The following RNF157 variants were observed in gnomAD, a reference collection of about 807,000 sequenced individuals.
RNF157 encodes the protein E3 ubiquitin ligase RNF157.
RNF157 carries 55 observed loss-of-function variants against 88.3 expected under a neutral mutation model. That is an observed-to-expected ratio of 0.62 (90% confidence interval 0.50 to 0.78). The LOEUF (loss-of-function observed/expected upper bound fraction) is 0.78, where lower values mean the gene tolerates loss of function less well. Among genes scored for constraint, RNF157 ranks in the 30% least tolerant of loss-of-function variants. The probability of loss-of-function intolerance (pLI) is 0.00; values close to 1 mark genes in which losing one functional copy is unlikely to be tolerated. For synonymous variants in RNF157, 334 were observed against 341.2 expected (o/e 0.98, Z 0.23); for missense variants, 788 against 860.8 (o/e 0.92, Z 1.06).
intron 1 of RNF157, chr17:76,226,049 C>T (rs1363005192): frequency 2.5e-6 from 4 of 1,608,874 alleles, no homozygotes; most frequent in East Asian, 2.2e-5. Context: ...GGCAGACCCA[C>T]AGAGAACACC....
chr17:76,233,821 C>A (rs2070235622), intron 1 of RNF157, among the ~76,000 whole-genome samples: 1 of 152,236 alleles, frequency 6.6e-6, no homozygotes, highest in South Asian at 2.1e-4. Flanking sequence ...GCATGAGTCA[C>A]CATACCCAGC....
rs550275599 is a variant in RNF157, at chr17:76,222,175, G to A, written c.89-9693C>T. Among the ~76,000 whole-genome samples, 4 of 152,220 alleles carry A rather than the reference G, an allele frequency of 2.6e-5. No homozygotes were observed. In the South Asian group the frequency reaches 6.2e-4, roughly 24 times the overall value. ...AGCCTGGCCAACATGAAGCAACCCCGTCTCTACTAAAAATACAAAAATGAG... is the reference window on the plus strand; with the variant it reads ...AGCCTGGCCAACATGAAGCAACCCCATCTCTACTAAAAATACAAAAATGAG... On this transcript the variant is annotated intron_variant, in intron 1 of 18. Coordinates refer to ENST00000269391, the MANE Select transcript of RNF157 (RefSeq NM_052916.3).
At position 76,165,560 on chromosome 17, in the gene RNF157, GGCACGTGAGTGAAGAAGCCCAAACA is replaced by G. The variant is rs775873473; in HGVS notation, c.629-40_629-16del. On this transcript the variant is annotated splice_polypyrimidine_tract_variant and intron_variant, in intron 6 of 18. Coordinates refer to ENST00000269391, the MANE Select transcript of RNF157 (RefSeq NM_052916.3). ...GCCAAAATACTCTGAAAGAAACAAAGGCACGTGAGTGAAGAAGCCCAAACAGCACATCTTGATGCCCATGACTTTC... is the reference window on the plus strand; with the variant it reads ...GCCAAAATACTCTGAAAGAAACAAAGGCACATCTTGATGCCCATGACTTTC... The G allele has an allele frequency of 6.2e-7, 1 of 1,614,146 alleles. No homozygotes were observed. The highest frequency in any genetic ancestry group is 1.7e-5 in the Admixed American group (1 of 60,022).
At chr17:76,216,646 C>A (rs1265511821) in intron 1 of RNF157, among the ~76,000 whole-genome samples, 2 of 151,770 alleles carry the variant, frequency 1.3e-5, no homozygotes, top group Non-Finnish European at 1.5e-5. Flanking sequence ...TATTATGAAG[C>A]CTTTCAAAGT....
intron 1 of RNF157, among the ~76,000 whole-genome samples, chr17:76,228,943 A>C (rs2145071314): frequency 7.2e-6 from 1 of 138,748 alleles, no homozygotes; most frequent in African/African-American, 3.1e-5. Context: ...ATAATAATAC[A>C]AAAAAAAAAA....
chr17:76,240,151 A>C lies in RNF157; in HGVS notation c.88+2T>G. 7.5e-7 allele frequency: 1 copy of C among 1,340,444 alleles called. No individual in the cohort carries two copies. Among genetic ancestry groups the C allele is most frequent in the Non-Finnish European group, 9.7e-7 (1 of 1,033,432 alleles). The allele number at this position is 1,340,444 out of a possible 1,614,324, so 83.0% of individuals were successfully genotyped here. ...GCGGCTGCGGCGCCCGCCCGCCCTC[A>C]CCGGACTTGGGCGGGTAGCGGTACA... On this transcript the variant is annotated splice_donor_variant, in intron 1 of 18. Transcript: ENST00000269391. LOFTEE classifies it high-confidence loss of function. This position sits in a 1 kb window ranked among gnomAD's most constrained non-coding sequence, Gnocchi z 4.4.
chr17:76,196,429 G>A (rs1419940860), intron 2 of RNF157, among the ~76,000 whole-genome samples: 1 of 152,230 alleles, frequency 6.6e-6, no homozygotes. Context: ...TCATCTGAAT[G>A]CTGGCCACAG....
chr17:76,156,570 G>A (rs1236272520), intron 13 of RNF157: 22 of 975,988 alleles, frequency 2.3e-5, no homozygotes, highest in African/African-American at 1.2e-4. Context: ...CATCTGCTGC[G>A]GCCATACAAA....
At chr17:76,228,262 G>A (rs898579962) in intron 1 of RNF157, among the ~76,000 whole-genome samples, 1 of 152,116 alleles carries the variant, frequency 6.6e-6, no homozygotes, top group Non-Finnish European at 1.5e-5. Flanking sequence ...ACATCAATGC[G>A]TCTAAAACCC....
intron 16 of RNF157, among the ~76,000 whole-genome samples, chr17:76,154,852 G>C (rs2068737447): frequency 6.6e-6 from 1 of 152,146 alleles, no homozygotes; most frequent in Admixed American, 6.5e-5. Flanking sequence ...GGGTGCAGTG[G>C]GCTGGGGGTA....
chr17:76,234,184 C>A (rs1042320412), intron 1 of RNF157, among the ~76,000 whole-genome samples: 1 of 152,204 alleles, frequency 6.6e-6, no homozygotes, highest in Non-Finnish European at 1.5e-5. Flanking sequence ...TTTCAAGGTT[C>A]ATCCAGGTTG....
At position 76,212,508 on chromosome 17, in the gene RNF157, C is replaced by T. The variant is rs767395846; in HGVS notation, c.89-26G>A. 9 of 1,379,056 alleles carry T rather than the reference C, an allele frequency of 6.5e-6. No individual in the cohort carries two copies. In the South Asian group the frequency reaches 9.3e-5, roughly 14 times the overall value. 85.4% of individuals were successfully genotyped at this position (1,379,056 alleles called of 1,614,324 possible). A position where few individuals can be genotyped will look rare whatever the true frequency, so the allele number is the denominator to read the frequency against. On this transcript the variant is annotated intron_variant, in intron 1 of 18. Transcript: ENST00000269391. ...CTAGAGAGGAACAAACAAAAAAAAT[C>T]AAACAAGCAGAAAACAGTCAACCTA...
At chr17:76,204,326 A>T (rs1219411069) in intron 2 of RNF157, among the ~76,000 whole-genome samples, 1 of 152,142 alleles carries the variant, frequency 6.6e-6, no homozygotes, top group East Asian at 1.9e-4. Flanking sequence ...CCCTCCCAGA[A>T]GCCCCTTCCC....
intron 3 of RNF157, 66 bp from the exon 4 acceptor site, chr17:76,167,863 A>G: frequency 6.8e-7 from 1 of 1,473,456 alleles, no homozygotes; most frequent in Non-Finnish European, 9.3e-7. Flanking sequence ...ACCTTTAAAA[A>G]AATTAGCAAT....
At chr17:76,170,886 A>C (rs766043299) in intron 3 of RNF157, among the ~76,000 whole-genome samples, 3 of 151,964 alleles carry the variant, frequency 2.0e-5, no homozygotes, top group African/African-American at 4.8e-5. Flanking sequence ...GAAATTTTTA[A>C]AATTTTTTAT....
At chr17:76,171,094 G>A (rs576974240) in intron 3 of RNF157, among the ~76,000 whole-genome samples, 345 of 151,970 alleles carry the variant, frequency 2.3e-3, no homozygotes, top group African/African-American at 6.8e-3. Context: ...GGGTTTCACT[G>A]TGTTAGCCAG....
At chr17:76,205,970 C>G (rs1182326681) in intron 2 of RNF157, among the ~76,000 whole-genome samples, 1 of 152,084 alleles carries the variant, frequency 6.6e-6, no homozygotes, top group Non-Finnish European at 1.5e-5. Flanking sequence ...TGGCTCATAG[C>G]TATAATCCCA....
intron 1 of RNF157, among the ~76,000 whole-genome samples, chr17:76,233,204 G>A (rs2070224888): frequency 6.6e-6 from 1 of 152,176 alleles, no homozygotes; most frequent in Non-Finnish European, 1.5e-5. Flanking sequence ...ACAGGCGTGA[G>A]CCACCGTGCC....
In RNF157 at chr17:76,161,732, C is replaced by T; in HGVS notation, c.953-85G>A. 6.6e-7 allele frequency: 1 copy of T among 1,525,676 alleles called. No individual in the cohort carries two copies. Among genetic ancestry groups the T allele is most frequent in the Non-Finnish European group, 9.0e-7 (1 of 1,110,382 alleles). The allele number at this position is 1,525,676 out of a possible 1,614,324, so 94.5% of individuals were successfully genotyped here. A position where few individuals can be genotyped will look rare whatever the true frequency, so the allele number is the denominator to read the frequency against. Reference sequence around the variant, plus strand: ...GCCCAGACAGAAACCATGATCCCTCCCAGCGCGCATCCGTTTGTCAGATCC... The same window carrying T: ...GCCCAGACAGAAACCATGATCCCTCTCAGCGCGCATCCGTTTGTCAGATCC... On this transcript the variant is annotated intron_variant, in intron 10 of 18. Transcript: ENST00000269391. The surrounding 1 kb of genome is among the most constrained non-coding windows in gnomAD (Gnocchi z 4.6).
Sources: allele counts gnomAD v4.1 joint callset (sites outside exome capture counted in the v4.1 genomes callset), GRCh38; gene constraint gnomAD v4.1.1; non-coding constraint Gnocchi (gnomAD v3.1); transcripts MANE v1.5; gene names NCBI Gene and HGNC (gene_info 2026-07-23, HGNC 2026-07-21).